Variants in SHROOM4 observed in about 807,000 individuals in gnomAD.
The protein encoded by SHROOM4 is protein Shroom4.
Under a neutral mutation model 80.3 loss-of-function variants are expected in SHROOM4, and 17 were observed. The ratio of observed to expected loss-of-function variants is 0.21; its 90% confidence interval spans 0.14 to 0.32. The LOEUF (loss-of-function observed/expected upper bound fraction) is 0.32, where lower values mean the gene tolerates loss of function less well. Ranked by LOEUF, SHROOM4 falls within the 10% of genes least tolerant of loss-of-function variation. SHROOM4 has a pLI of 1.00. For missense variants in SHROOM4, 993 were observed against 1,140.3 expected (o/e 0.87, Z 1.86); for synonymous variants, 400 against 437.5 (o/e 0.91, Z 1.07).
intron 1 of SHROOM4, among the ~76,000 whole-genome samples, chrX:50,813,585 C>G (rs1936394603): frequency 8.9e-6 from 1 of 112,507 alleles, no homozygotes; most frequent in Admixed American, 9.3e-5. Context: ...CAACAGCCTC[C>G]ACTTCCTTCG....
intron 1 of SHROOM4, among the ~76,000 whole-genome samples, chrX:50,756,840 T>A (rs914595736): frequency 2.4e-4 from 27 of 112,141 alleles, no homozygotes; most frequent in African/African-American, 8.7e-4. Context: ...ATGTATAATC[T>A]GTCTTATTAC....
At chrX:50,655,129 T>C (rs1557259329) in intron 2 of SHROOM4, among the ~76,000 whole-genome samples, 1 of 109,695 alleles carries the variant, frequency 9.1e-6, no homozygotes, top group Non-Finnish European at 1.9e-5. Flanking sequence ...TTCATTCTTT[T>C]TTATGGCTGC....
chrX:50,633,486 T>C lies in SHROOM4; in HGVS notation c.2587A>G (p.Ser863Gly). The change falls in exon 4 of 9, where the codon AGC becomes GGC. Residue 863 changes from serine (S) to glycine (G), a missense_variant. Ser to Gly is a moderately conservative substitution (Grantham distance 56). Transcript: ENST00000376020. ...ETPTYSECFA[S>G]KGLENSMCCK... Reference sequence around the variant, plus strand: ...CACATGGAATTTTCTAGACCTTTGCTTGCAAAACATTCTGAGTAAGTGGGA... The same window carrying C: ...CACATGGAATTTTCTAGACCTTTGCCTGCAAAACATTCTGAGTAAGTGGGA... The C allele has an allele frequency of 8.3e-7, 1 of 1,211,650 alleles. No homozygotes were observed. Among genetic ancestry groups the C allele is most frequent in the Non-Finnish European group, 1.1e-6 (1 of 895,513 alleles).
chrX:50,602,660 T>C lies in SHROOM4; in HGVS notation c.3915A>G (p.Glu1305=). Residue 1305 remains glutamate, a synonymous_variant, in exon 7 of 9, where the codon GAA becomes GAG. Transcript: ENST00000376020. Reference sequence around the variant, plus strand: ...TTTTTTGAGCCAGTTCATGGTCAACTTCCTCCTCTCCTAGGCCAATCTCTG... The same window carrying C: ...TTTTTTGAGCCAGTTCATGGTCAACCTCCTCCTCTCCTAGGCCAATCTCTG... ...EMAEIGLGEE[E]VDHELAQKKI... is the part of the protein sequence containing the mutation. 8.3e-7 allele frequency: 1 copy of C among 1,211,714 alleles called. No individual in the cohort carries two copies.
intron 1 of SHROOM4, among the ~76,000 whole-genome samples, chrX:50,711,680 T>C (rs1933819796): frequency 1.8e-5 from 2 of 112,041 alleles, no homozygotes; most frequent in African/African-American, 6.5e-5. Flanking sequence ...AATACATGAA[T>C]AGATATGAAA....
At chrX:50,722,779 T>C (rs1480155222) in intron 1 of SHROOM4, among the ~76,000 whole-genome samples, 1 of 111,321 alleles carries the variant, frequency 9.0e-6, no homozygotes, top group Admixed American at 9.6e-5. Flanking sequence ...GAAATCTCAA[T>C]TGCAGAAAAA....
Position 50,589,154 on chromosome X carries a change from C to G in SHROOM4, c.*7541G>C, listed in dbSNP as rs1321681399. Among the ~76,000 whole-genome samples, 1 of 111,500 alleles carries G rather than the reference C, an allele frequency of 9.0e-6. No individual in the cohort carries two copies. Among genetic ancestry groups the G allele is most frequent in the Non-Finnish European group, 1.9e-5 (1 of 53,097 alleles). On this transcript the variant is annotated 3_prime_UTR_variant, in exon 9 of 9. Coordinates refer to ENST00000376020, the MANE Select transcript of SHROOM4 (RefSeq NM_020717.5). Reference sequence around the variant, plus strand: ...AAGGGGAAGGTTGTAATAGTAAAGTCACTCCCAAATTCAAATATTGTAAAT... The same window carrying G: ...AAGGGGAAGGTTGTAATAGTAAAGTGACTCCCAAATTCAAATATTGTAAAT...
At chrX:50,726,715 C>G (rs192390715) in intron 1 of SHROOM4, among the ~76,000 whole-genome samples, 1 of 113,202 alleles carries the variant, frequency 8.8e-6, no homozygotes, top group Non-Finnish European at 1.9e-5. Flanking sequence ...TTAGGAACCT[C>G]TGCCTAGATT....
chrX:50,598,580 C>G, intron 7 of SHROOM4, 45 bp from the exon 8 acceptor site: 1 of 1,167,925 alleles, frequency 8.6e-7, no homozygotes. Flanking sequence ...GAATGGGGAT[C>G]AACAGAAACT....
chrX:50,738,413 T>C (rs1934552605), intron 1 of SHROOM4, among the ~76,000 whole-genome samples: 1 of 111,021 alleles, frequency 9.0e-6, no homozygotes, highest in Non-Finnish European at 1.9e-5. Flanking sequence ...ATGACATGAT[T>C]CTATATTTAG....
At chrX:50,628,950 A>G (rs943739552) in intron 4 of SHROOM4, among the ~76,000 whole-genome samples, 3 of 111,362 alleles carry the variant, frequency 2.7e-5, no homozygotes, top group African/African-American at 9.8e-5. Context: ...TGTACTTTAG[A>G]CTCTGCCTCG....
In SHROOM4 at chrX:50,675,758, CA is replaced by C. The variant is rs201483520; in HGVS notation, c.269+20027del. Among the ~76,000 whole-genome samples, 4 of 109,182 alleles carry C rather than the reference CA, an allele frequency of 3.7e-5. No individual in the cohort carries two copies. In the East Asian group the frequency reaches 8.6e-4, roughly 23 times the overall value. 94.8% of individuals were successfully genotyped at this position (109,182 alleles called of 115,157 possible). On this transcript the variant is annotated intron_variant, in intron 2 of 8. Transcript: ENST00000376020. ...ACTGAGAAGCTGGGTGTCTGAGAGACAAAAAAAAATTGATAGAGCAAAGTCC... is the reference window on the plus strand; with the variant it reads ...ACTGAGAAGCTGGGTGTCTGAGAGACAAAAAAAATTGATAGAGCAAAGTCC...
chrX:50,808,116 G>A, intron 1 of SHROOM4, among the ~76,000 whole-genome samples: 1 of 111,387 alleles, frequency 9.0e-6, no homozygotes. Flanking sequence ...AAAGAGCTAG[G>A]GCTCTGCTAG....
At chrX:50,632,980 TTTATC>T (rs1931132817) in intron 4 of SHROOM4, among the ~76,000 whole-genome samples, 193 bp downstream of exon 4, 1 of 112,489 alleles carries the variant, frequency 8.9e-6, no homozygotes, top group African/African-American at 3.2e-5. Context: ...AAAAGTTACT[TTTATC>T]TAACCCTAAA....
chrX:50,625,668 C>T (rs1199104122), intron 5 of SHROOM4, among the ~76,000 whole-genome samples: 3 of 111,792 alleles, frequency 2.7e-5, no homozygotes, highest in Non-Finnish European at 3.8e-5. Context: ...CCTCCCCAAT[C>T]CAGGGCCACA....
At chrX:50,749,901 C>G (rs930812078) in intron 1 of SHROOM4, among the ~76,000 whole-genome samples, 4 of 111,521 alleles carry the variant, frequency 3.6e-5, no homozygotes, top group Admixed American at 9.5e-5. Context: ...TGTGCGCTTG[C>G]CACTAGAAAT....
rs1422299235 is a variant in SHROOM4 at position 50,616,609 on chromosome X, C to T, written c.2958-8425G>A. Among the ~76,000 whole-genome samples the T allele has an allele frequency of 2.7e-5, 3 of 111,578 alleles. No homozygotes were observed. The Admixed American group carries it at 2.9e-4, about 11-fold the overall frequency. On this transcript the variant is annotated intron_variant, in intron 5 of 8. Coordinates refer to ENST00000376020, the MANE Select transcript of SHROOM4 (RefSeq NM_020717.5). ...AAACAGCTCATAATCAAAGTGGCTC[C>T]TCATTAGAATTACCCAGGAAGTTGT... is the stretch of plus-strand genomic sequence containing the variant.
At chrX:50,782,242 G>A (rs1203966799) in intron 1 of SHROOM4, among the ~76,000 whole-genome samples, 1 of 111,151 alleles carries the variant, frequency 9.0e-6, no homozygotes, top group Non-Finnish European at 1.9e-5. Context: ...AAGTCCAACT[G>A]TATACAATTA....
chrX:50,743,848 G>A (rs1462168215), intron 1 of SHROOM4, among the ~76,000 whole-genome samples: 1 of 111,689 alleles, frequency 9.0e-6, no homozygotes, highest in Middle Eastern at 4.6e-3. Context: ...TCTTTATTTC[G>A]CCTACATTTT....
Sources: gnomAD v4.1 joint callset for allele counts (sites outside exome capture counted in the v4.1 genomes callset) on GRCh38, gnomAD v4.1.1 for gene constraint, MANE v1.5 for transcripts, NCBI Gene and HGNC (gene_info 2026-07-23, HGNC 2026-07-21) for gene names.